ACACB: variants seen among roughly 807,000 people sequenced by gnomAD.
ACACB encodes the protein acetyl-CoA carboxylase beta.
Under a neutral mutation model 278.8 loss-of-function variants are expected in ACACB, and 209 were observed. The observed-to-expected ratio is 0.75, with a 90% CI of 0.67 to 0.84. The LOEUF is 0.84. Ranked by LOEUF, ACACB falls within the 40% of genes least tolerant of loss-of-function variation. The pLI is 0.00. For synonymous variants in ACACB, 1,174 were observed against 1,285.6 expected (o/e 0.91, Z 1.86); for missense variants, 2,850 against 3,269.0 (o/e 0.87, Z 3.13).
chr12:109,256,087 G>C, intron 44 of ACACB, 53 bp from the exon 45 acceptor site: 2 of 1,525,436 alleles, frequency 1.3e-6, no homozygotes, highest in Admixed American at 1.7e-5. Flanking sequence ...AGTGTCCTGG[G>C]GGCCCCCAGC....
In ACACB at chr12:109,216,890, C is replaced by T. The variant is rs1454952911; in HGVS notation, c.3534C>T (p.Ala1178=). 6.2e-7 allele frequency: 1 copy of T among 1,613,628 alleles called. No homozygotes were observed. Among genetic ancestry groups the T allele is most frequent in the African/African-American group, 1.3e-5 (1 of 74,878 alleles). The change falls in exon 24 of 53, where the codon GCC becomes GCT. Residue 1178 remains alanine (A), a synonymous_variant. Coordinates refer to ENST00000338432, the MANE Select transcript of ACACB (RefSeq NM_001093.4). The stretch of plus-strand genomic sequence containing the variant: ...GCATCTTCTCCCACGCACAGGTGGC[C>T]AAGAAGAACCAGCTGGTGATCATGT... The part of the protein sequence containing the change: ...LDCIFSHAQV[A]KKNQLVIMLI...
chr12:109,254,719 T>A (rs530752451), intron 44 of ACACB, among the ~76,000 whole-genome samples: 1 of 151,748 alleles, frequency 6.6e-6, no homozygotes, highest in South Asian at 2.1e-4. Context: ...TCTTTCTCTT[T>A]CTTTCTCTCT....
At chr12:109,199,082 C>T (rs1214611230) in intron 17 of ACACB, among the ~76,000 whole-genome samples, 2 of 151,712 alleles carry the variant, frequency 1.3e-5, no homozygotes, top group Non-Finnish European at 2.9e-5. Flanking sequence ...CCCAGCTATG[C>T]GGGAGGCTGA....
chr12:109,166,750 G>T (rs561646884), intron 2 of ACACB, 111 bp from the exon 3 acceptor site: 2 of 1,379,410 alleles, frequency 1.4e-6, no homozygotes, highest in Non-Finnish European at 2.0e-6. Context: ...TGCAAAGCAG[G>T]GGGGCTCTGG....
At chr12:109,191,574 A>G (rs2044884517) in intron 13 of ACACB, 39 bp from the exon 14 acceptor site, 6 of 1,611,756 alleles carry the variant, frequency 3.7e-6, no homozygotes, top group Non-Finnish European at 5.1e-6. Context: ...TGATGTATGC[A>G]TGAATTTGGA....
intron 24 of ACACB, among the ~76,000 whole-genome samples, chr12:109,221,186 A>G (rs1010591629): frequency 2.0e-5 from 3 of 152,224 alleles, no homozygotes; most frequent in Admixed American, 2.0e-4. Context: ...TGTGTATGAA[A>G]TATCAATATG....
intron 28 of ACACB, among the ~76,000 whole-genome samples, chr12:109,227,819 G>C (rs955827830): frequency 1.4e-4 from 21 of 152,118 alleles, no homozygotes; most frequent in South Asian, 4.1e-4. Flanking sequence ...GATCACTTGA[G>C]GTCAGGAGTT....
chr12:109,264,335 C>A lies in ACACB; in HGVS notation c.6891C>A (p.Phe2297Leu). ...TCTACCACCAGGTGGCGGTGCAGTT[C>A]GCCGACTTCCATGACACACCCGGCC... ...LPIYHQVAVQ[F>L]ADFHDTPGRM... The change falls in exon 50 of 53, where the codon TTC (phenylalanine) becomes TTA (leucine). Residue 2297 changes from phenylalanine to leucine, a missense_variant. Physicochemically the swap from Phe to Leu is conservative, Grantham distance 22. Transcript: ENST00000338432. 1 of 1,614,072 alleles carries A rather than the reference C, an allele frequency of 6.2e-7. No homozygotes were observed. Among genetic ancestry groups the A allele is most frequent in the African/African-American group, 1.3e-5 (1 of 75,004 alleles).
At chr12:109,252,282 G>A (rs1157486197) in intron 42 of ACACB, 126 bp downstream of exon 42, 2 of 621,504 alleles carry the variant, frequency 3.2e-6, no homozygotes, top group Non-Finnish European at 5.2e-6. Context: ...TGATACAAGA[G>A]CTCTTTTTTT....
At chr12:109,237,092 C>T in intron 33 of ACACB, 73 bp from the exon 34 acceptor site, 10 of 1,502,398 alleles carry the variant, frequency 6.7e-6, no homozygotes, top group South Asian at 3.4e-5. Context: ...AGGGTGTGGA[C>T]CAAGCAGGGA....
At position 109,179,963 on chromosome 12, in the gene ACACB, C is replaced by G; in HGVS notation, c.1694C>G (p.Thr565Arg). The G allele has an allele frequency of 1.2e-6, 2 of 1,613,974 alleles. No individual in the cohort carries two copies. The highest frequency in any genetic ancestry group is 1.7e-6 in the Non-Finnish European group (2 of 1,179,928). The change falls in exon 11 of 53, where the codon ACA becomes AGA. Residue 565 changes from threonine to arginine, a missense_variant. Transcript: ENST00000338432. ...ACCGTGGGCTATGTGAGTGCAGGGACAGTGGAATACCTCTATAGTCAGGAT... is the reference window on the plus strand; with the variant it reads ...ACCGTGGGCTATGTGAGTGCAGGGAGAGTGGAATACCTCTATAGTCAGGAT... The part of the protein sequence containing the change: ...AKTVGYVSAG[T>R]VEYLYSQDGS...
At chr12:109,151,990 A>C (rs950971630) in intron 2 of ACACB, among the ~76,000 whole-genome samples, 11 of 152,246 alleles carry the variant, frequency 7.2e-5, no homozygotes, top group African/African-American at 2.7e-4. Context: ...TAATGCAATT[A>C]GAGAAAAATG....
intron 47 of ACACB, 61 bp from the exon 48 acceptor site, chr12:109,260,419 C>T: frequency 6.3e-7 from 1 of 1,598,502 alleles, no homozygotes; most frequent in African/African-American, 1.3e-5. Context: ...ACAACTAGGG[C>T]AGTGGGTTTC....
At chr12:109,241,420 C>T (rs1332547344) in intron 36 of ACACB, 139 bp downstream of exon 36, 4 of 807,648 alleles carry the variant, frequency 5.0e-6, no homozygotes, top group Non-Finnish European at 8.0e-6. Context: ...GTAGCCCCCT[C>T]TGAGTGTTAT....
intron 4 of ACACB, among the ~76,000 whole-genome samples, chr12:109,168,446 G>T (rs566327855): frequency 8.4e-4 from 128 of 152,146 alleles, no homozygotes; most frequent in African/African-American, 2.9e-3. Context: ...CCTTTTATAG[G>T]CCCTACTCCC....
intron 1 of ACACB, among the ~76,000 whole-genome samples, chr12:109,137,009 C>T (rs2042980960): frequency 6.6e-6 from 1 of 152,126 alleles, no homozygotes; most frequent in South Asian, 2.1e-4. Flanking sequence ...AGTTGCAGTT[C>T]CCTTCTGTTC....
intron 37 of ACACB, among the ~76,000 whole-genome samples, chr12:109,243,597 TCAAAAA>T (rs919491785): frequency 7.2e-5 from 11 of 152,098 alleles, no homozygotes; most frequent in African/African-American, 1.2e-4. Flanking sequence ...AGACTCTGTC[TCAAAAA>T]CAAAAACAAA....
intron 29 of ACACB, among the ~76,000 whole-genome samples, chr12:109,233,409 G>A (rs1359029554): frequency 2.0e-5 from 3 of 152,066 alleles, no homozygotes; most frequent in Admixed American, 6.5e-5. Flanking sequence ...TCTTTGACTC[G>A]GGGTGAGGTG....
intron 49 of ACACB, 61 bp from the exon 50 acceptor site, chr12:109,264,171 C>G: frequency 6.6e-7 from 1 of 1,514,984 alleles, no homozygotes; most frequent in Non-Finnish European, 9.0e-7. Flanking sequence ...AAAAAAAAAT[C>G]TCCACCCCAT....
Sources: gnomAD v4.1 joint callset for allele counts (sites outside exome capture counted in the v4.1 genomes callset) on GRCh38, gnomAD v4.1.1 for gene constraint, MANE v1.5 for transcripts, NCBI Gene and HGNC (gene_info 2026-07-23, HGNC 2026-07-21) for gene names.